TRAF3: variants seen among roughly 807,000 people sequenced by gnomAD.
TRAF3 encodes the protein TNF receptor-associated factor 3.
A neutral mutation model predicts 62.3 loss-of-function variants in TRAF3; 13 were observed. The observed-to-expected ratio is 0.21, with a 90% confidence interval of 0.14 to 0.33. The LOEUF (loss-of-function observed/expected upper bound fraction) is 0.33, where lower values mean the gene tolerates loss of function less well. TRAF3 is among the 10% of genes least tolerant of loss of function. The pLI is 1.00. For synonymous variants in TRAF3, 269 were observed against 283.4 expected, an observed-to-expected ratio of 0.95 and a Z score of 0.51; for missense variants, 440 against 741.8, an observed-to-expected ratio of 0.59 and a Z score of 4.73.
chr14:102,827,675 C>T (rs1900406002), intron 1 of TRAF3, among the ~76,000 whole-genome samples: 1 of 152,172 alleles, frequency 6.6e-6, no homozygotes, highest in African/African-American at 2.4e-5. Context: ...ATATACAGCA[C>T]ATGGTCAGTG....
chr14:102,813,698 G>C (rs888010248), intron 1 of TRAF3, among the ~76,000 whole-genome samples: 1 of 151,874 alleles, frequency 6.6e-6, no homozygotes, highest in Non-Finnish European at 1.5e-5. Context: ...TGATCCACCC[G>C]CCTCGGCCTC....
At chr14:102,847,150 A>G (rs1886774232) in intron 2 of TRAF3, among the ~76,000 whole-genome samples, 1 of 152,190 alleles carries the variant, frequency 6.6e-6, no homozygotes, top group South Asian at 2.1e-4. Context: ...TATTCATATT[A>G]TAGAAATTTA....
chr14:102,786,779 G>A (rs1399351464), intron 1 of TRAF3, among the ~76,000 whole-genome samples: 3 of 152,088 alleles, frequency 2.0e-5, no homozygotes, highest in Non-Finnish European at 4.4e-5. Flanking sequence ...GAATCCAGGA[G>A]TTCTCAACCA....
At chr14:102,786,859 G>A (rs1566735914) in intron 1 of TRAF3, among the ~76,000 whole-genome samples, 1 of 152,048 alleles carries the variant, frequency 6.6e-6, no homozygotes, top group East Asian at 1.9e-4. Context: ...GTCTGGTGGC[G>A]TGCTCCTGTA....
intron 9 of TRAF3, among the ~76,000 whole-genome samples, chr14:102,891,680 T>C (rs370269620): frequency 6.6e-6 from 1 of 152,196 alleles, no homozygotes; most frequent in Non-Finnish European, 1.5e-5. Context: ...AGCACAGAGA[T>C]GATCAGATGC....
At chr14:102,806,668 C>T (rs1448599915) in intron 1 of TRAF3, among the ~76,000 whole-genome samples, 1 of 152,104 alleles carries the variant, frequency 6.6e-6, no homozygotes, top group Non-Finnish European at 1.5e-5. Context: ...GTCATGAGGC[C>T]TGTGTTCTAA....
rs191930883 is a variant in TRAF3, at chr14:102,832,545, G to A, written c.-18+2073G>A. ...AAATATGAGCCGGGCATGGTGGCAG[G>A]CACCTGTAATCCCAGCTACTTGGGA... On this transcript the variant is annotated intron_variant, in intron 2 of 11. Transcript: ENST00000392745. 5.2e-3 allele frequency among the ~76,000 whole-genome samples: 793 copies of A among 152,196 alleles called. 10 individuals are homozygous for A. The highest frequency in any genetic ancestry group is 0.019 in the African/African-American group (777 of 41,528).
chr14:102,840,773 ATCTT>A (rs1886329640), intron 2 of TRAF3, among the ~76,000 whole-genome samples: 1 of 151,962 alleles, frequency 6.6e-6, no homozygotes, highest in Non-Finnish European at 1.5e-5. Context: ...ATTGACTTCT[ATCTT>A]AAACAACTTG....
chr14:102,856,075 A>G (rs1295095731), intron 2 of TRAF3, among the ~76,000 whole-genome samples: 2 of 148,998 alleles, frequency 1.3e-5, no homozygotes, highest in Non-Finnish European at 3.0e-5. Flanking sequence ...CAGCCTGGGC[A>G]ACAGAGTAAA....
Position 102,903,493 on chromosome 14 carries a change from G to T in TRAF3, c.1135+64G>T. On this transcript the variant is annotated intron_variant, in intron 11 of 11. Transcript: ENST00000392745. The surrounding 1 kb of genome is among the most constrained non-coding windows in gnomAD (Gnocchi z 6.4). ...TGGGCCCCGGGCGAGTGCTGGGGCG[G>T]GGTCCGTGGGATGAGGGCTATGTTA... 6.2e-7 allele frequency: 1 copy of T among 1,606,820 alleles called. No individual in the cohort carries two copies. Among genetic ancestry groups the T allele is most frequent in the Non-Finnish European group, 8.5e-7 (1 of 1,176,004 alleles).
At chr14:102,814,555 C>G (rs184763681) in intron 1 of TRAF3, among the ~76,000 whole-genome samples, 1 of 152,068 alleles carries the variant, frequency 6.6e-6, no homozygotes, top group African/African-American at 2.4e-5. Flanking sequence ...GGTCTCACTT[C>G]GTTATCTAGG....
At chr14:102,870,538 G>C (rs1888279844) in intron 3 of TRAF3, 92 bp downstream of exon 3, 1 of 1,525,970 alleles carries the variant, frequency 6.6e-7, no homozygotes, top group Admixed American at 1.9e-5. Context: ...TAAACCTCTA[G>C]AGGTTTAAAG....
intron 9 of TRAF3, among the ~76,000 whole-genome samples, chr14:102,892,769 G>GC (rs1889794478): frequency 6.6e-6 from 1 of 152,152 alleles, no homozygotes; most frequent in Non-Finnish European, 1.5e-5. Flanking sequence ...CCTTTAATCT[G>GC]CCATAAGAGA....
At chr14:102,804,181 C>T (rs968288987) in intron 1 of TRAF3, among the ~76,000 whole-genome samples, 4 of 151,272 alleles carry the variant, frequency 2.6e-5, no homozygotes, top group Non-Finnish European at 4.4e-5. Context: ...CAGAGTGAGA[C>T]TGTTTAAAAA....
chr14:102,796,046 A>G (rs1595291334), intron 1 of TRAF3, among the ~76,000 whole-genome samples: 1 of 152,092 alleles, frequency 6.6e-6, no homozygotes, highest in South Asian at 2.1e-4. Context: ...GTGAAACCCC[A>G]TCTCTACTAA....
chr14:102,820,170 TG>T (rs1899804662), intron 1 of TRAF3, among the ~76,000 whole-genome samples: 1 of 152,034 alleles, frequency 6.6e-6, no homozygotes, highest in Non-Finnish European at 1.5e-5. Flanking sequence ...GTGAGCCACA[TG>T]GGGGGCTGGC....
At chr14:102,806,438 G>A (rs1898777427) in intron 1 of TRAF3, among the ~76,000 whole-genome samples, 1 of 152,162 alleles carries the variant, frequency 6.6e-6, no homozygotes, top group South Asian at 2.1e-4. Context: ...ACTTTGGTTA[G>A]CAGAATGGGA....
chr14:102,781,604 C>G (rs1198067921), intron 1 of TRAF3, among the ~76,000 whole-genome samples: 1 of 152,084 alleles, frequency 6.6e-6, no homozygotes, highest in Non-Finnish European at 1.5e-5. Flanking sequence ...AGTGAGATCC[C>G]TGGCTCTAAA....
chr14:102,887,578 T>A (rs533670344), intron 7 of TRAF3, among the ~76,000 whole-genome samples: 45 of 152,028 alleles, frequency 3.0e-4, no homozygotes, highest in Non-Finnish European at 8.8e-5. Flanking sequence ...GTATAAAGAG[T>A]CTGTGCTGTT....
Sources: gnomAD v4.1 joint callset for allele counts (sites outside exome capture counted in the v4.1 genomes callset) on GRCh38, gnomAD v4.1.1 for gene constraint, Gnocchi (gnomAD v3.1) non-coding constraint, MANE v1.5 for transcripts, NCBI Gene and HGNC (gene_info 2026-07-23, HGNC 2026-07-21) for gene names.